MARCHF6: variants seen among roughly 807,000 people sequenced by gnomAD.
MARCHF6 encodes membrane associated ring-CH-type finger 6, also known as E3 ubiquitin-protein ligase MARCHF6.
In MARCHF6, 31 loss-of-function variants were observed where a neutral mutation model predicts 133.7. The ratio of observed to expected loss-of-function variants is 0.23; its 90% CI spans 0.17 to 0.31. The LOEUF (loss-of-function observed/expected upper bound fraction) is 0.31, where lower values mean the gene tolerates loss of function less well. Ranked by LOEUF, MARCHF6 falls within the 10% of genes least tolerant of loss-of-function variation. The probability of loss-of-function intolerance (pLI) is 1.00; values close to 1 mark genes in which losing one functional copy is unlikely to be tolerated. For synonymous variants in MARCHF6, 395 were observed against 402.5 expected (o/e 0.98, Z 0.22); for missense variants, 723 against 1,121.6 (o/e 0.64, Z 5.08).
chr5:10,361,566 A>G (rs372930559), intron 1 of MARCHF6, among the ~76,000 whole-genome samples: 58 of 152,050 alleles, frequency 3.8e-4, no homozygotes, highest in African/African-American at 1.3e-3. Context: ...TAAGGACCTC[A>G]TTTTAACTTA....
In MARCHF6 at chr5:10,429,876, C is replaced by G. The variant is rs764303097; in HGVS notation, c.2507-17C>G. 3.7e-6 allele frequency: 6 copies of G among 1,603,624 alleles called. No homozygotes were observed. In the South Asian group the frequency reaches 6.7e-5, roughly 18 times the overall value. On this transcript the variant is annotated splice_polypyrimidine_tract_variant and intron_variant, in intron 24 of 25. Transcript: ENST00000274140. ...TATTTCACATACACTGAAAGTTTTT[C>G]TTTTTTGGTTTTCTAGGTGTTACTG... is the stretch of plus-strand genomic sequence containing the variant.
At chr5:10,390,558 C>A (rs753046296) in intron 6 of MARCHF6, 58 bp downstream of exon 6, 53 of 1,454,340 alleles carry the variant, frequency 3.6e-5, no homozygotes, top group Non-Finnish European at 4.7e-5. Context: ...ATTATTGTTT[C>A]TCTCTGAGAC....
At chr5:10,379,299 A>T (rs1179092761) in intron 3 of MARCHF6, among the ~76,000 whole-genome samples, 2 of 152,038 alleles carry the variant, frequency 1.3e-5, no homozygotes, top group South Asian at 4.2e-4. Context: ...TATCTCTAAA[A>T]GGTAAGGGTT....
Position 10,439,958 on chromosome 5 carries a change from C to T in MARCHF6, c.*6274C>T, listed in dbSNP as rs1354876678. ...GCTCTTTAGCCTCTTCATTTCTTTC[C>T]TGAAGTGTCATTCTCACTGAGGCTT... On this transcript the variant is annotated 3_prime_UTR_variant, in exon 26 of 26. Transcript: ENST00000274140. 1 of 152,212 alleles carries T rather than the reference C, an allele frequency of 6.6e-6. No homozygotes were observed. The allele number at this position is 152,212 out of a possible 1,614,324, so 9.4% of individuals were successfully genotyped here.
chr5:10,383,535 T>G (rs1226130545), intron 4 of MARCHF6, among the ~76,000 whole-genome samples: 1 of 152,204 alleles, frequency 6.6e-6, no homozygotes, highest in Non-Finnish European at 1.5e-5. Flanking sequence ...TTAGCAATGT[T>G]GAATGCTAGA....
At chr5:10,375,117 A>G (rs1348879197) in intron 1 of MARCHF6, among the ~76,000 whole-genome samples, 1 of 152,198 alleles carries the variant, frequency 6.6e-6, no homozygotes, top group African/African-American at 2.4e-5. Context: ...TGGCCTGGCC[A>G]AGGCCAGAAC....
At chr5:10,410,810 C>G (rs888781727) in intron 18 of MARCHF6, among the ~76,000 whole-genome samples, 1 of 152,158 alleles carries the variant, frequency 6.6e-6, no homozygotes, top group Non-Finnish European at 1.5e-5. Context: ...ATCTGTCGTC[C>G]TCTAACTGCT....
chr5:10,406,967 A>T, intron 16 of MARCHF6, 135 bp from the exon 17 acceptor site: 1 of 495,210 alleles, frequency 2.0e-6, no homozygotes, highest in Middle Eastern at 3.1e-4. Context: ...GATAATGTGT[A>T]GAGTGGGAAC....
Position 10,400,768 on chromosome 5 carries a change from T to G in MARCHF6, c.914-16T>G. 2 of 1,605,000 alleles carry G rather than the reference T, an allele frequency of 1.2e-6. No homozygotes were observed. Among genetic ancestry groups the G allele is most frequent in the Non-Finnish European group, 1.7e-6 (2 of 1,171,864 alleles). Reference sequence around the variant, plus strand: ...TTGATGTCGGAGTTTTCATGGAATTTTTTCCCCCTTTTTAGCATTTTGCCC... The same window carrying G: ...TTGATGTCGGAGTTTTCATGGAATTGTTTCCCCCTTTTTAGCATTTTGCCC... On this transcript the variant is annotated splice_polypyrimidine_tract_variant and intron_variant, in intron 10 of 25. Coordinates refer to ENST00000274140, the MANE Select transcript of MARCHF6 (RefSeq NM_005885.4).
At position 10,433,531 on chromosome 5, in the gene MARCHF6, C is replaced by T. The variant is rs368000417; in HGVS notation, c.2643-63C>T. The T allele has an allele frequency of 4.1e-6, 5 of 1,228,042 alleles. No homozygotes were observed. In the African/African-American group the frequency reaches 5.9e-5, roughly 15 times the overall value. The allele number at this position is 1,228,042 out of a possible 1,614,324, so 76.1% of individuals were successfully genotyped here. A position where few individuals can be genotyped will look rare whatever the true frequency, so the allele number is the denominator to read the frequency against. On this transcript the variant is annotated intron_variant, in intron 25 of 25. Transcript: ENST00000274140. ...TAAGTAGGAGTTAGATTTAAAAAGA[C>T]ATATGAATGTTTTACTCTGTACATT...
intron 4 of MARCHF6, among the ~76,000 whole-genome samples, chr5:10,383,903 G>A (rs1737311190): frequency 6.6e-6 from 1 of 152,126 alleles, no homozygotes; most frequent in Non-Finnish European, 1.5e-5. Context: ...CTCATTTGTG[G>A]GGAGATTATA....
intron 23 of MARCHF6, 75 bp downstream of exon 23, chr5:10,423,899 TTCTTA>T (rs1303389245): frequency 1.9e-6 from 2 of 1,040,446 alleles, no homozygotes; most frequent in Non-Finnish European, 2.9e-6. Context: ...TAACTCTTAT[TTCTTA>T]TCTTCCTACC....
Position 10,436,915 on chromosome 5 carries a change from TTCTTG to T in MARCHF6, c.*3238_*3242del, listed in dbSNP as rs1740676963. The T allele has an allele frequency of 6.6e-6, 1 of 152,266 alleles. No homozygotes were observed. Among genetic ancestry groups the T allele is most frequent in the Non-Finnish European group, 1.5e-5 (1 of 68,042 alleles). The allele number at this position is 152,266 out of a possible 1,614,324, so 9.4% of individuals were successfully genotyped here. A position where few individuals can be genotyped will look rare whatever the true frequency, so the allele number is the denominator to read the frequency against. On this transcript the variant is annotated 3_prime_UTR_variant, in exon 26 of 26. Transcript: ENST00000274140. ...TTAATGTAACTGCTATTATTGTGGA[TTCTTG>T]TCTTGTGTATTTTCTTTCCCTTATT... is the stretch of plus-strand genomic sequence containing the variant.
chr5:10,379,322 C>T (rs6886820), intron 3 of MARCHF6, among the ~76,000 whole-genome samples: 7 of 151,898 alleles, frequency 4.6e-5, no homozygotes, highest in Non-Finnish European at 7.4e-5. Flanking sequence ...TTTTCAAAAA[C>T]GTAACTATAA....
At chr5:10,370,337 A>G (rs1281819850) in intron 1 of MARCHF6, among the ~76,000 whole-genome samples, 1 of 152,092 alleles carries the variant, frequency 6.6e-6, no homozygotes, top group East Asian at 1.9e-4. Context: ...TCCTGGGCTC[A>G]TGTGATCCTC....
At chr5:10,404,245 T>C (rs1438051830) in intron 15 of MARCHF6, among the ~76,000 whole-genome samples, 1 of 151,914 alleles carries the variant, frequency 6.6e-6, no homozygotes, top group East Asian at 1.9e-4. Context: ...TTTTTGTATT[T>C]TTAGTAGAGA....
At chr5:10,360,069 G>T (rs1432066029) in intron 1 of MARCHF6, among the ~76,000 whole-genome samples, 4 of 151,476 alleles carry the variant, frequency 2.6e-5, no homozygotes, top group Non-Finnish European at 4.4e-5. Context: ...TTATGGGAAG[G>T]CTTCTGGTCA....
chr5:10,367,584 T>TA (rs1485055841), intron 1 of MARCHF6, among the ~76,000 whole-genome samples: 2 of 152,180 alleles, frequency 1.3e-5, no homozygotes, highest in African/African-American at 2.4e-5. Context: ...CCCCAAAACT[T>TA]AGAGTTTTAT....
chr5:10,419,324 A>T (rs1444008564), intron 22 of MARCHF6, among the ~76,000 whole-genome samples: 3 of 152,232 alleles, frequency 2.0e-5, no homozygotes, highest in African/African-American at 7.2e-5. Context: ...CAGTTATACT[A>T]CAAGGCAAAA....
Sources: gnomAD v4.1 joint callset for allele counts (sites outside exome capture counted in the v4.1 genomes callset) on GRCh38, gnomAD v4.1.1 for gene constraint, MANE v1.5 for transcripts, NCBI Gene and HGNC (gene_info 2026-07-23, HGNC 2026-07-21) for gene names.